Variants in SCHIP1 observed in about 807,000 individuals in gnomAD.
The protein encoded by SCHIP1 is schwannomin interacting protein 1, also known as schwannomin-interacting protein 1.
Under a neutral mutation model 29.7 loss-of-function variants are expected in SCHIP1, and 8 were observed. The ratio of observed to expected loss-of-function variants is 0.27; its 90% CI spans 0.16 to 0.49. SCHIP1 has a LOEUF of 0.49. Ranked by LOEUF, SCHIP1 falls within the 20% of genes least tolerant of loss-of-function variation. SCHIP1 has a pLI of 0.99. For synonymous variants in SCHIP1, 76 were observed against 94.9 expected, an observed-to-expected ratio of 0.80 and a Z score of 1.16; for missense variants, 193 against 294.6, an observed-to-expected ratio of 0.66 and a Z score of 2.52.
chr3:159,743,677 G>T, the SCHIP1 span, among the ~76,000 whole-genome samples: 1 of 152,148 alleles, frequency 6.6e-6, no homozygotes, highest in Non-Finnish European at 1.5e-5. Flanking sequence ...AGAGAATGGG[G>T]GCAGAAGAGA....
At chr3:159,496,837 A>T in the SCHIP1 span, among the ~76,000 whole-genome samples, 1 of 152,206 alleles carries the variant, frequency 6.6e-6, no homozygotes, top group African/African-American at 2.4e-5. Flanking sequence ...TCACAATAGC[A>T]AAGACTTGGA....
chr3:159,385,263 A>G, the SCHIP1 span, among the ~76,000 whole-genome samples: 1 of 152,206 alleles, frequency 6.6e-6, no homozygotes, highest in African/African-American at 2.4e-5. Context: ...TGCATAATAA[A>G]CAACAGTTGA....
intron 2 of SCHIP1, among the ~76,000 whole-genome samples, chr3:159,883,619 C>G (rs144405636): frequency 1.3e-3 from 196 of 152,150 alleles, no homozygotes; most frequent in Non-Finnish European, 1.9e-3. Flanking sequence ...AACCTGAGCT[C>G]GTTTTAAGAT....
chr3:159,442,215 A>G, the SCHIP1 span, among the ~76,000 whole-genome samples: 16 of 152,226 alleles, frequency 1.1e-4, no homozygotes, highest in Admixed American at 2.6e-4. Context: ...GAGCTAAAGT[A>G]AACTCACAGG....
At chr3:159,810,029 G>T in the SCHIP1 span, among the ~76,000 whole-genome samples, 1 of 152,086 alleles carries the variant, frequency 6.6e-6, no homozygotes, top group Non-Finnish European at 1.5e-5. Flanking sequence ...TTTACATACC[G>T]TAAAATTCAC....
At chr3:159,626,103 TAGATAG>T in the SCHIP1 span, among the ~76,000 whole-genome samples, 211 of 112,294 alleles carry the variant, frequency 1.9e-3, 16 homozygotes, top group African/African-American at 0.012. Flanking sequence ...GATAGATAGA[TAGATAG>T]ATAGATAGAT....
the SCHIP1 span, among the ~76,000 whole-genome samples, chr3:159,462,348 C>A: frequency 6.6e-6 from 1 of 152,112 alleles, no homozygotes; most frequent in Non-Finnish European, 1.5e-5. Context: ...AAAGATTGAC[C>A]GAAGAGATCT....
At chr3:159,896,801 G>T (rs1411150179) in exon 7 of SCHIP1, 1 of 1,590,214 alleles carries the variant, frequency 6.3e-7, no homozygotes, top group South Asian at 1.2e-5. Context: ...CAGAGAACAA[G>T]CTAGAATTTA....
chr3:159,377,023 CT>C, the SCHIP1 span, among the ~76,000 whole-genome samples: 3 of 152,190 alleles, frequency 2.0e-5, no homozygotes, highest in Admixed American at 6.5e-5. Flanking sequence ...GAAGTTGAAT[CT>C]TCAAAAGTGT....
the SCHIP1 span, among the ~76,000 whole-genome samples, chr3:159,522,484 C>A: frequency 2.6e-5 from 4 of 152,030 alleles, no homozygotes; most frequent in Non-Finnish European, 5.9e-5. Flanking sequence ...CTTTCTTCAC[C>A]AAGGCATCTA....
chr3:159,619,178 T>A, the SCHIP1 span, among the ~76,000 whole-genome samples: 1 of 152,212 alleles, frequency 6.6e-6, no homozygotes, highest in African/African-American at 2.4e-5. Context: ...AAAAAGTGAA[T>A]GTATTTCTTT....
At chr3:159,793,651 G>C in the SCHIP1 span, among the ~76,000 whole-genome samples, 4 of 152,034 alleles carry the variant, frequency 2.6e-5, no homozygotes, top group Non-Finnish European at 4.4e-5. Flanking sequence ...TCTGCCTCCC[G>C]GGTTCAAGTG....
the SCHIP1 span, among the ~76,000 whole-genome samples, chr3:159,682,989 G>A: frequency 6.6e-6 from 1 of 152,180 alleles, no homozygotes; most frequent in Non-Finnish European, 1.5e-5. Context: ...TAGGGATGGT[G>A]TTAAAAATTC....
At chr3:159,515,385 C>T in the SCHIP1 span, among the ~76,000 whole-genome samples, 1 of 152,188 alleles carries the variant, frequency 6.6e-6, no homozygotes, top group South Asian at 2.1e-4. Flanking sequence ...GAGTCATGTG[C>T]TGTATTTTTG....
At chr3:159,744,491 C>T in the SCHIP1 span, among the ~76,000 whole-genome samples, 2 of 152,214 alleles carry the variant, frequency 1.3e-5, no homozygotes, top group African/African-American at 2.4e-5. Context: ...AGCACTAGAA[C>T]TTATCTATAA....
At chr3:159,639,454 C>A in the SCHIP1 span, among the ~76,000 whole-genome samples, 1 of 152,020 alleles carries the variant, frequency 6.6e-6, no homozygotes, top group African/African-American at 2.4e-5. Context: ...CTTAATTACT[C>A]AATTCATTTA....
the SCHIP1 span, among the ~76,000 whole-genome samples, chr3:159,479,944 G>A: frequency 6.6e-6 from 1 of 152,180 alleles, no homozygotes; most frequent in Non-Finnish European, 1.5e-5. Flanking sequence ...ATACTGTGGA[G>A]TTGGGGAAAA....
At chr3:159,491,848 C>T in the SCHIP1 span, among the ~76,000 whole-genome samples, 1 of 152,220 alleles carries the variant, frequency 6.6e-6, no homozygotes, top group Non-Finnish European at 1.5e-5. Context: ...GGAGGCACCC[C>T]CAAGTAGGGG....
the SCHIP1 span, among the ~76,000 whole-genome samples, chr3:159,541,456 T>C: frequency 6.6e-6 from 1 of 152,048 alleles, no homozygotes; most frequent in East Asian, 1.9e-4. Context: ...TCTGATTAAT[T>C]TACCTCCCAG....
Sources: gnomAD v4.1 joint callset for allele counts (sites outside exome capture counted in the v4.1 genomes callset) on GRCh38, gnomAD v4.1.1 for gene constraint, MANE v1.5 for transcripts, NCBI Gene and HGNC (gene_info 2026-07-23, HGNC 2026-07-21) for gene names.